HPS4: variants seen among roughly 807,000 people sequenced by gnomAD.
HPS4 encodes the protein BLOC-3 complex member HPS4.
HPS4 carries 44 observed loss-of-function variants against 70.3 expected under a neutral mutation model. That is an observed-to-expected ratio of 0.63 (90% confidence interval 0.49 to 0.80). The LOEUF (loss-of-function observed/expected upper bound fraction) is 0.80. Ranked by LOEUF, HPS4 falls within the 30% of genes least tolerant of loss-of-function variation. The pLI, the probability that HPS4 is intolerant of heterozygous loss-of-function variation, is 0.00. For synonymous variants in HPS4, 377 were observed against 355.9 expected (o/e 1.06, Z -0.67); for missense variants, 873 against 884.4 (o/e 0.99, Z 0.16).
intron 12 of HPS4, 102 bp downstream of exon 12, chr22:26,458,342 CT>C: frequency 1.4e-6 from 2 of 1,453,450 alleles, no homozygotes; most frequent in Non-Finnish European, 1.9e-6. Flanking sequence ...TCAGACAACT[CT>C]GTGCACAGCC....
intron 3 of HPS4, 64 bp downstream of exon 3, chr22:26,479,201 T>C (rs1029971759): frequency 3.8e-5 from 59 of 1,539,706 alleles, no homozygotes; most frequent in African/African-American, 1.2e-4. Flanking sequence ...CCCCATACTT[T>C]TGAAAAGTCA....
chr22:26,448,021 C>T (rs184183147), downstream of HPS4, among the ~76,000 whole-genome samples: 17 of 152,338 alleles, frequency 1.1e-4, no homozygotes, highest in Admixed American at 9.8e-4. Flanking sequence ...TCAGAGCGGG[C>T]AGCTGACATG....
At position 26,464,694 on chromosome 22, in the gene HPS4, T is replaced by C. The variant is rs1286088347; in HGVS notation, c.936A>G (p.Thr312=). ...CATCTGGACAAGCTTCGTCAGGGGA[T>C]GTGGGATCTGGGGTGGTCCAGGCCA... ...ESMAWTTPDP[T]SPDEACPDGR... Residue 312 remains threonine (T), a synonymous_variant, in exon 11 of 14, where the codon ACA becomes ACG. Coordinates refer to ENST00000398145, the MANE Select transcript of HPS4 (RefSeq NM_022081.6). The C allele has an allele frequency of 1.9e-6, 3 of 1,609,264 alleles. No individual in the cohort carries two copies. Among genetic ancestry groups the C allele is most frequent in the Non-Finnish European group, 1.7e-6 (2 of 1,176,428 alleles).
chr22:26,481,942 T>A lies in HPS4; in HGVS notation c.-180A>T. 1 of 654,538 alleles carries A rather than the reference T, an allele frequency of 1.5e-6. No individual in the cohort carries two copies. Among genetic ancestry groups the A allele is most frequent in the Non-Finnish European group, 2.8e-6 (1 of 358,258 alleles). The allele number at this position is 654,538 out of a possible 1,614,324, so 40.5% of individuals were successfully genotyped here. ...TTTCACTCAGCATGGAAAGTTCCAC[T>A]TCCCTTCCTTGCAGGTTCTTCAGTT... is the stretch of plus-strand genomic sequence containing the variant. On this transcript the variant is annotated 5_prime_UTR_variant, in exon 2 of 14. It adds an upstream start codon to the 5' untranslated region. Transcript: ENST00000398145.
chr22:26,478,455 C>T (rs1295795400), intron 3 of HPS4, among the ~76,000 whole-genome samples: 2 of 150,212 alleles, frequency 1.3e-5, no homozygotes, highest in African/African-American at 2.4e-5. Flanking sequence ...ACTGTAGTCC[C>T]AACTACTCGG....
chr22:26,481,630 T>G (rs947873425), intron 2 of HPS4, 92 bp downstream of exon 2: 1 of 1,218,196 alleles, frequency 8.2e-7, no homozygotes, highest in Admixed American at 1.7e-5. Context: ...GTTAATAAAA[T>G]TAACACAATC....
intron 11 of HPS4, among the ~76,000 whole-genome samples, chr22:26,459,785 C>T (rs2086884850): frequency 6.6e-6 from 1 of 152,226 alleles, no homozygotes; most frequent in Non-Finnish European, 1.5e-5. Context: ...TGAAATGACA[C>T]ATCCAAAAGT....
At chr22:26,465,600 G>A in intron 9 of HPS4, 49 bp from the exon 10 acceptor site, 1 of 1,471,692 alleles carries the variant, frequency 6.8e-7, no homozygotes, top group Non-Finnish European at 9.5e-7. Flanking sequence ...AGCCAGAGAG[G>A]GCAGCGGGGC....
At chr22:26,455,862 A>G (rs5997093) in intron 13 of HPS4, among the ~76,000 whole-genome samples, 131,659 of 152,154 alleles carry the variant, frequency 0.87, 57,564 homozygotes, top group Non-Finnish European at 0.93. Flanking sequence ...GGAAGGTGAC[A>G]TACTGCAGGG....
downstream of HPS4, among the ~76,000 whole-genome samples, chr22:26,448,077 C>T (rs933259145): frequency 3.9e-5 from 6 of 152,188 alleles, no homozygotes; most frequent in Admixed American, 2.6e-4. Flanking sequence ...AATTGGAAGC[C>T]GAGTATCCAG....
rs62225811 is a variant in HPS4, at chr22:26,452,352, C to A, written c.*881G>T. 1 of 456,738 alleles carries A rather than the reference C, an allele frequency of 2.2e-6. No homozygotes were observed. The highest frequency in any genetic ancestry group is 4.4e-6 in the Non-Finnish European group (1 of 226,978). The allele number at this position is 456,738 out of a possible 1,614,324, so 28.3% of individuals were successfully genotyped here. On this transcript the variant is annotated 3_prime_UTR_variant, in exon 14 of 14. Coordinates refer to ENST00000398145, the MANE Select transcript of HPS4 (RefSeq NM_022081.6). ...TAGAACTGAGGTTCTAAGTACCACA[C>A]AAGCCCAGGAACACACAGCTGAGTG...
chr22:26,462,246 T>C (rs947962197), intron 11 of HPS4, among the ~76,000 whole-genome samples: 1 of 152,206 alleles, frequency 6.6e-6, no homozygotes, highest in Non-Finnish European at 1.5e-5. Context: ...TGGAGGCTGA[T>C]GTCGTAACAG....
chr22:26,455,434 G>C (rs1377347472), intron 13 of HPS4, among the ~76,000 whole-genome samples: 1 of 151,510 alleles, frequency 6.6e-6, no homozygotes, highest in Non-Finnish European at 1.5e-5. Flanking sequence ...CCTTTGTAGG[G>C]ACATGGATGA....
chr22:26,458,519 G>A lies in HPS4; in HGVS notation c.1772C>T (p.Pro591Leu). 6.2e-7 allele frequency: 1 copy of A among 1,614,084 alleles called. No homozygotes were observed. Among genetic ancestry groups the A allele is most frequent in the Non-Finnish European group, 8.5e-7 (1 of 1,180,012 alleles). ...GCTCGTGGAGGCTGCCTCATCCCTG[G>A]GCAGCGTCTCTTTCAGGTGGACTTC... ...GLEVHLKETL[P>L]RDEAASTSST... Residue 591 changes from proline (P) to leucine (L), a missense_variant, in exon 12 of 14, where the codon CCC (proline) becomes CTC (leucine). Coordinates refer to ENST00000398145, the MANE Select transcript of HPS4 (RefSeq NM_022081.6).
At chr22:26,479,411 T>C in intron 2 of HPS4, 56 bp from the exon 3 acceptor site, 3 of 1,598,394 alleles carry the variant, frequency 1.9e-6, no homozygotes, top group Non-Finnish European at 8.5e-7. Context: ...TCACGGCATT[T>C]AAAACACAGC....
chr22:26,479,385 T>C, intron 2 of HPS4, 30 bp from the exon 3 acceptor site: 1 of 1,611,796 alleles, frequency 6.2e-7, no homozygotes, highest in Non-Finnish European at 8.5e-7. Context: ...GAGCCATGTT[T>C]CCTTTAATCC....
chr22:26,477,038 C>T lies in HPS4; in HGVS notation c.231G>A (p.Leu77=), dbSNP rs1036371564. ...CTTTTATGGCAAACTTCAGTTTTCT[C>T]AGACGAACAAGAGTAGGAGGAGAGT... The part of the protein sequence containing the change: ...ISDSPPTLVR[L]RKLKFAIKVD... The change falls in exon 4 of 14, where the codon CTG becomes CTA. Residue 77 remains leucine, a synonymous_variant. Transcript: ENST00000398145. 1.2e-6 allele frequency: 2 copies of T among 1,614,084 alleles called. No individual in the cohort carries two copies. The highest frequency in any genetic ancestry group is 2.7e-5 in the African/African-American group (2 of 74,926).
chr22:26,443,807 A>AGTGTCCG (rs1946753814), downstream of HPS4: 1 of 152,252 alleles, frequency 6.6e-6, no homozygotes, highest in Admixed American at 6.6e-5. Context: ...CACAGTGTCC[A>AGTGTCCG]GGCCCAGGGA....
intron 2 of HPS4, among the ~76,000 whole-genome samples, chr22:26,481,394 T>C (rs2091271695): frequency 6.6e-6 from 1 of 152,170 alleles, no homozygotes; most frequent in South Asian, 2.1e-4. Flanking sequence ...AATTCTCAAA[T>C]GCAACCATAC....
Sources: allele counts gnomAD v4.1 joint callset (sites outside exome capture counted in the v4.1 genomes callset), GRCh38; gene constraint gnomAD v4.1.1; transcripts MANE v1.5; gene names NCBI Gene and HGNC (gene_info 2026-07-23, HGNC 2026-07-21).